SPAG16: variants seen among roughly 807,000 people sequenced by gnomAD.
The protein encoded by SPAG16 is sperm-associated antigen 16 protein.
Under a neutral mutation model 80.4 loss-of-function variants are expected in SPAG16, and 86 were observed. The ratio of observed to expected loss-of-function variants is 1.07; its 90% confidence interval spans 0.90 to 1.28. The LOEUF (loss-of-function observed/expected upper bound fraction) is 1.28, where lower values mean the gene tolerates loss of function less well. SPAG16 is among the 50% of genes most tolerant of loss of function. The pLI, the probability that SPAG16 is intolerant of heterozygous loss-of-function variation, is 0.00. For missense variants in SPAG16, 870 were observed against 765.3 expected, an observed-to-expected ratio of 1.14 and a Z score of -1.61; for synonymous variants, 294 against 265.9, an observed-to-expected ratio of 1.11 and a Z score of -1.03.
chr2:213,301,629 G>A (rs1167048078), intron 3 of SPAG16, among the ~76,000 whole-genome samples: 1 of 151,924 alleles, frequency 6.6e-6, no homozygotes, highest in African/African-American at 2.4e-5. Flanking sequence ...TTTCTCATCT[G>A]AGCTACAGCA....
At chr2:214,085,155 T>G (rs942328373) in intron 13 of SPAG16, among the ~76,000 whole-genome samples, 1 of 151,846 alleles carries the variant, frequency 6.6e-6, no homozygotes, top group Non-Finnish European at 1.5e-5. Flanking sequence ...CCATGAGAAA[T>G]TTGGTTTGAC....
At chr2:213,385,792 C>CCACACACACACA (rs55899353) in intron 9 of SPAG16, among the ~76,000 whole-genome samples, 182 of 149,440 alleles carry the variant, frequency 1.2e-3, no homozygotes, top group Non-Finnish European at 2.0e-3. Context: ...TCATCTCTGT[C>CCACACACACACA]CACACACACA....
At chr2:214,023,997 T>C (rs1461203609) in intron 13 of SPAG16, among the ~76,000 whole-genome samples, 1 of 151,716 alleles carries the variant, frequency 6.6e-6, no homozygotes. Context: ...ATAATTTCTT[T>C]ATACTTCATG....
intron 10 of SPAG16, among the ~76,000 whole-genome samples, chr2:213,536,042 T>C (rs2076234056): frequency 6.6e-6 from 1 of 152,190 alleles, no homozygotes; most frequent in Non-Finnish European, 1.5e-5. Flanking sequence ...GGTATGTGAG[T>C]GTGTGTGCAC....
chr2:213,573,063 C>T (rs913451054), intron 10 of SPAG16, among the ~76,000 whole-genome samples: 2 of 152,204 alleles, frequency 1.3e-5, no homozygotes, highest in Non-Finnish European at 2.9e-5. Context: ...CCTCGCGCTT[C>T]CCAGGTGAGG....
intron 10 of SPAG16, among the ~76,000 whole-genome samples, chr2:213,734,789 T>A (rs1300193079): frequency 1.3e-5 from 2 of 152,208 alleles, no homozygotes; most frequent in Non-Finnish European, 2.9e-5. Context: ...ATATGCTATT[T>A]ATTTTTTTGA....
At chr2:214,326,674 G>A (rs190598009) in intron 15 of SPAG16, among the ~76,000 whole-genome samples, 58 of 152,050 alleles carry the variant, frequency 3.8e-4, no homozygotes, top group South Asian at 1.5e-3. Flanking sequence ...GGCCGGGCGC[G>A]GTGGCTCACG....
intron 9 of SPAG16, among the ~76,000 whole-genome samples, chr2:213,389,674 C>A (rs1044380754): frequency 2.6e-5 from 4 of 151,986 alleles, no homozygotes; most frequent in African/African-American, 9.7e-5. Context: ...AAATACAAAT[C>A]AAAACTGCAG....
intron 10 of SPAG16, among the ~76,000 whole-genome samples, chr2:213,713,085 T>A (rs188611124): frequency 1.3e-5 from 2 of 152,198 alleles, no homozygotes; most frequent in Admixed American, 6.5e-5. Context: ...CATAAAACCA[T>A]CAGGTCTGGT....
chr2:213,300,538 A>G (rs1248203823), intron 3 of SPAG16, among the ~76,000 whole-genome samples: 1 of 152,192 alleles, frequency 6.6e-6, no homozygotes, highest in Non-Finnish European at 1.5e-5. Flanking sequence ...AACATATCAC[A>G]ACAGGTCAAA....
rs555476060 is a variant in SPAG16 at position 213,617,158 on chromosome 2, A to G, written c.1070+127068A>G. Reference sequence around the variant, plus strand: ...AGTCCAAACATAGCTTTTCTACAGTACAAAATAATCTAGTTTCACTATTGA... The same window carrying G: ...AGTCCAAACATAGCTTTTCTACAGTGCAAAATAATCTAGTTTCACTATTGA... On this transcript the variant is annotated intron_variant, in intron 10 of 15. Coordinates refer to ENST00000331683, the MANE Select transcript of SPAG16 (RefSeq NM_024532.5). Among the ~76,000 whole-genome samples, 17 of 152,358 alleles carry G rather than the reference A, an allele frequency of 1.1e-4. No individual in the cohort carries two copies. In the South Asian group the frequency reaches 2.7e-3, roughly 24 times the overall value.
Position 213,969,092 on chromosome 2 carries a change from C to T in SPAG16, c.1400+38947C>T, listed in dbSNP as rs147621734. Among the ~76,000 whole-genome samples the T allele has an allele frequency of 1.6e-3, 251 of 152,256 alleles. 1 individual carries two copies. The highest frequency in any genetic ancestry group is 5.8e-3 in the African/African-American group (241 of 41,556). On this transcript the variant is annotated intron_variant, in intron 12 of 15. Transcript: ENST00000331683. ...GGAAGAAAAATGGGAGCAAGAACTA[C>T]AACAGTTGTGTAGTGGTGTGAAATT...
At chr2:213,759,456 A>G (rs1247053747) in intron 10 of SPAG16, among the ~76,000 whole-genome samples, 1 of 152,152 alleles carries the variant, frequency 6.6e-6, no homozygotes, top group Non-Finnish European at 1.5e-5. Flanking sequence ...TGTATAATAC[A>G]TAAAGATATA....
chr2:213,993,210 A>G (rs1374342041), intron 12 of SPAG16, among the ~76,000 whole-genome samples: 1 of 152,184 alleles, frequency 6.6e-6, no homozygotes, highest in African/African-American at 2.4e-5. Flanking sequence ...TAGAGAAGGT[A>G]TATTTGTTTA....
intron 11 of SPAG16, among the ~76,000 whole-genome samples, chr2:213,889,811 T>C (rs2076718363): frequency 6.6e-6 from 1 of 151,316 alleles, no homozygotes; most frequent in South Asian, 2.1e-4. Flanking sequence ...AATGATGACA[T>C]CAAATGTTGC....
chr2:213,622,273 G>T (rs2061813693), intron 10 of SPAG16, among the ~76,000 whole-genome samples: 1 of 152,118 alleles, frequency 6.6e-6, no homozygotes, highest in African/African-American at 2.4e-5. Context: ...CTGAGGAAAG[G>T]ACCTTCAGGC....
intron 15 of SPAG16, among the ~76,000 whole-genome samples, chr2:214,188,146 T>G (rs2057540319): frequency 6.6e-6 from 1 of 152,114 alleles, no homozygotes; most frequent in Non-Finnish European, 1.5e-5. Flanking sequence ...TGTAGCTCAA[T>G]CTCTCACTTG....
chr2:213,744,924 A>G (rs1045146977), intron 10 of SPAG16, among the ~76,000 whole-genome samples: 18 of 152,196 alleles, frequency 1.2e-4, no homozygotes, highest in African/African-American at 4.1e-4. Context: ...ACAAAAATAC[A>G]TGTTTACTTT....
rs1165853142 is a variant in SPAG16 at position 213,859,178 on chromosome 2, C to CAAAAAAAAAAAAAA, written c.1071-3282_1071-3269dup. ...TGGGCAACAGAGCGACACTCCGTCT[C>CAAAAAAAAAAAAAA]AAAAAAAAAAAAAAAAAAAAAAAAA... On this transcript the variant is annotated intron_variant, in intron 10 of 15. Coordinates refer to ENST00000331683, the MANE Select transcript of SPAG16 (RefSeq NM_024532.5). Among the ~76,000 whole-genome samples, 20 of 9,376 alleles carry CAAAAAAAAAAAAAA rather than the reference C, an allele frequency of 2.1e-3. 7 individuals are homozygous for CAAAAAAAAAAAAAA. Among genetic ancestry groups the CAAAAAAAAAAAAAA allele is most frequent in the African/African-American group, 3.9e-3 (8 of 2,036 alleles). 6.2% of individuals were successfully genotyped at this position (9,376 alleles called of 152,430 possible).
Sources: gnomAD v4.1 joint callset for allele counts (sites outside exome capture counted in the v4.1 genomes callset) on GRCh38, gnomAD v4.1.1 for gene constraint, MANE v1.5 for transcripts, NCBI Gene and HGNC (gene_info 2026-07-23, HGNC 2026-07-21) for gene names.